The following FRYL variants were observed in gnomAD, a reference collection of about 807,000 sequenced individuals.
The protein encoded by FRYL is protein furry homolog-like.
Under a neutral mutation model 351.2 loss-of-function variants are expected in FRYL, and 150 were observed. The ratio of observed to expected loss-of-function variants is 0.43; its 90% CI spans 0.37 to 0.49. The LOEUF (loss-of-function observed/expected upper bound fraction) is 0.49, where lower values mean the gene tolerates loss of function less well. FRYL is among the 20% of genes least tolerant of loss of function. FRYL has a pLI of 0.00. For synonymous variants in FRYL, 1,153 were observed against 1,257.1 expected (o/e 0.92, Z 1.75); for missense variants, 3,036 against 3,619.3 (o/e 0.84, Z 4.13).
intron 2 of FRYL, among the ~76,000 whole-genome samples, chr4:48,705,846 T>C (rs1368646778): frequency 6.6e-6 from 1 of 150,420 alleles, no homozygotes; most frequent in African/African-American, 2.4e-5. Flanking sequence ...TTCACCTCCT[T>C]TTTTTTTTGA....
At chr4:48,703,928 G>T (rs1767028040) in intron 2 of FRYL, among the ~76,000 whole-genome samples, 1 of 152,124 alleles carries the variant, frequency 6.6e-6, no homozygotes, top group South Asian at 2.1e-4. Flanking sequence ...TTTCTCATCT[G>T]GGAAAATGGC....
chr4:48,666,809 CTT>C (rs1761791139), intron 3 of FRYL, among the ~76,000 whole-genome samples: 1 of 152,110 alleles, frequency 6.6e-6, no homozygotes, highest in African/African-American at 2.4e-5. Context: ...TATACTTCCT[CTT>C]GAGGACAGTG....
chr4:48,744,624 G>T (rs1000560602), intron 1 of FRYL, among the ~76,000 whole-genome samples: 1 of 152,124 alleles, frequency 6.6e-6, no homozygotes, highest in African/African-American at 2.4e-5. Context: ...ACTAAAAACT[G>T]CATTAAGGAG....
At chr4:48,510,203 A>G (rs775985306) in intron 58 of FRYL, 46 bp from the exon 59 acceptor site, 10 of 1,368,538 alleles carry the variant, frequency 7.3e-6, no homozygotes, top group Non-Finnish European at 1.0e-5. Flanking sequence ...TCTGATTGAA[A>G]TCATGAGACT....
In FRYL at chr4:48,514,878, T is replaced by C. The variant is rs539689715; in HGVS notation, c.7937+150A>G. Reference sequence around the variant, plus strand: ...TTTATTTTTAAAAACGAAGATAGTATGATTCTAGACTAAAACACACAAAGT... The same window carrying C: ...TTTATTTTTAAAAACGAAGATAGTACGATTCTAGACTAAAACACACAAAGT... On this transcript the variant is annotated intron_variant, in intron 56 of 63. Coordinates refer to ENST00000358350, the MANE Select transcript of FRYL (RefSeq NM_015030.2). 8.1e-6 allele frequency: 5 copies of C among 619,928 alleles called. No homozygotes were observed. In the Admixed American group the frequency reaches 9.7e-5, roughly 12 times the overall value. 38.4% of individuals were successfully genotyped at this position (619,928 alleles called of 1,614,324 possible).
At chr4:48,563,041 A>G in intron 31 of FRYL, 53 bp from the exon 32 acceptor site, 1 of 1,104,758 alleles carries the variant, frequency 9.1e-7, no homozygotes, top group Non-Finnish European at 1.4e-6. Flanking sequence ...AGGCTTTTGC[A>G]CCATTTAATA....
chr4:48,531,396 A>G (rs1727581286), intron 49 of FRYL, 43 bp from the exon 50 acceptor site: 1 of 1,242,848 alleles, frequency 8.0e-7, no homozygotes, highest in South Asian at 1.2e-5. Context: ...ACAAATGCAC[A>G]TTCAACTAAG....
chr4:48,605,606 G>T (rs1205301567), intron 11 of FRYL, 135 bp downstream of exon 11: 1 of 648,226 alleles, frequency 1.5e-6, no homozygotes, highest in Non-Finnish European at 2.8e-6. Flanking sequence ...GAGCAACAGG[G>T]AGCAAATGAG....
At chr4:48,538,879 T>C (rs2148921350) in intron 47 of FRYL, among the ~76,000 whole-genome samples, 1 of 152,250 alleles carries the variant, frequency 6.6e-6, no homozygotes, top group Admixed American at 6.5e-5. Context: ...AAAGCCTTTT[T>C]TCCTCCAGAC....
Position 48,567,806 on chromosome 4 carries a change from G to T in FRYL, c.2997-386C>A, listed in dbSNP as rs185547909. Among the ~76,000 whole-genome samples, 1 of 152,194 alleles carries T rather than the reference G, an allele frequency of 6.6e-6. No homozygotes were observed. The highest frequency in any genetic ancestry group is 1.5e-5 in the Non-Finnish European group (1 of 68,032). ...AGTTCTATTTATTCATAGCTGCCATGTCTATTCATATTGTGCCTTCAGCAT... is the reference window on the plus strand; with the variant it reads ...AGTTCTATTTATTCATAGCTGCCATTTCTATTCATATTGTGCCTTCAGCAT... On this transcript the variant is annotated intron_variant, in intron 27 of 63. Transcript: ENST00000358350. This position sits in a 1 kb window ranked among gnomAD's most constrained non-coding sequence, Gnocchi z 4.2.
At chr4:48,538,167 TGATA>T in intron 47 of FRYL, among the ~76,000 whole-genome samples, 1 of 152,178 alleles carries the variant, frequency 6.6e-6, no homozygotes, top group Non-Finnish European at 1.5e-5. Context: ...CACCCTCTCT[TGATA>T]TTTAATGTTC....
intron 61 of FRYL, among the ~76,000 whole-genome samples, chr4:48,502,023 A>C (rs903543318): frequency 2.0e-5 from 3 of 152,264 alleles, no homozygotes; most frequent in Non-Finnish European, 4.4e-5. Flanking sequence ...AAAAGGATTC[A>C]TTAGAATTTA....
intron 31 of FRYL, 86 bp from the exon 32 acceptor site, chr4:48,563,074 G>T (rs2149063621): frequency 4.8e-6 from 4 of 832,936 alleles, no homozygotes; most frequent in Non-Finnish European, 5.9e-6. Context: ...AAAGGGCAAG[G>T]CTTATAGGCA....
chr4:48,644,233 C>T (rs1208333557), intron 3 of FRYL, among the ~76,000 whole-genome samples: 12 of 152,086 alleles, frequency 7.9e-5, no homozygotes, highest in East Asian at 1.9e-4. Context: ...TGAGCCACCG[C>T]GCCTGGCCAG....
chr4:48,614,324 T>C (rs1748885704), intron 7 of FRYL, among the ~76,000 whole-genome samples: 1 of 152,048 alleles, frequency 6.6e-6, no homozygotes, highest in Non-Finnish European at 1.5e-5. Context: ...TTTCATGGAG[T>C]AATATCTCCA....
intron 60 of FRYL, among the ~76,000 whole-genome samples, chr4:48,503,340 T>TCCAG (rs1720145732): frequency 6.6e-6 from 1 of 152,192 alleles, no homozygotes; most frequent in South Asian, 2.1e-4. Context: ...GGTGGCTCAT[T>TCCAG]CCAGGCTTCC....
chr4:48,523,243 A>G (rs1168939528), intron 53 of FRYL, 139 bp from the exon 54 acceptor site: 5 of 606,586 alleles, frequency 8.2e-6, no homozygotes, highest in African/African-American at 3.7e-5. Context: ...CAGCCCTTCA[A>G]TTTCTTTAAA....
At chr4:48,765,079 G>C (rs1026120521) in intron 1 of FRYL, among the ~76,000 whole-genome samples, 1 of 152,134 alleles carries the variant, frequency 6.6e-6, no homozygotes, top group Admixed American at 6.5e-5. Context: ...TCCTGACCTA[G>C]TGATCCCCCC....
Position 48,647,101 on chromosome 4 carries a change from G to A in FRYL, c.-80-12611C>T, listed in dbSNP as rs182568696. Among the ~76,000 whole-genome samples, 9 of 152,280 alleles carry A rather than the reference G, an allele frequency of 5.9e-5. No individual in the cohort carries two copies. In the East Asian group the frequency reaches 1.7e-3, roughly 29 times the overall value. On this transcript the variant is annotated intron_variant, in intron 3 of 63. Transcript: ENST00000358350. Reference sequence around the variant, plus strand: ...ATAAGGAAAGGCTCAGGAAAGAAGAGATACCAATAATTACAGATGGAGGCT... The same window carrying A: ...ATAAGGAAAGGCTCAGGAAAGAAGAAATACCAATAATTACAGATGGAGGCT...
Sources: gnomAD v4.1 joint callset for allele counts (sites outside exome capture counted in the v4.1 genomes callset) on GRCh38, gnomAD v4.1.1 for gene constraint, Gnocchi (gnomAD v3.1) non-coding constraint, MANE v1.5 for transcripts, NCBI Gene and HGNC (gene_info 2026-07-23, HGNC 2026-07-21) for gene names.